Variants in UBQLN1 observed in about 807,000 individuals in gnomAD.
The protein encoded by UBQLN1 is ubiquilin 1, also known as ubiquilin-1.
UBQLN1 carries 13 observed loss-of-function variants against 65.4 expected under a neutral mutation model. That is an observed-to-expected ratio of 0.20 (90% CI 0.13 to 0.32). The LOEUF (loss-of-function observed/expected upper bound fraction) is 0.32. Among genes scored for constraint, UBQLN1 ranks in the 10% least tolerant of loss-of-function variants. The probability of loss-of-function intolerance (pLI) is 1.00; values close to 1 mark genes in which losing one functional copy is unlikely to be tolerated. For synonymous variants in UBQLN1, 267 were observed against 247.8 expected (o/e 1.08, Z -0.73); for missense variants, 561 against 724.0 (o/e 0.77, Z 2.58).
chr9:83,668,628 G>GTCTCTT (rs537269033), intron 7 of UBQLN1: 291 of 985,534 alleles, frequency 3.0e-4, no homozygotes, highest in Non-Finnish European at 3.1e-4. Flanking sequence ...CTTAGCTGTG[G>GTCTCTT]TCTCTTTAGA....
intron 6 of UBQLN1, among the ~76,000 whole-genome samples, chr9:83,675,053 A>G (rs986150259): frequency 6.6e-6 from 1 of 152,210 alleles, no homozygotes; most frequent in Admixed American, 6.5e-5. Flanking sequence ...TGGATCTATC[A>G]TGTTACTGAA....
chr9:83,669,345 A>G lies in UBQLN1; in HGVS notation c.1106-18T>C. The stretch of plus-strand genomic sequence containing the variant: ...CATACTAGCTGAAAGTTTGTTTTTA[A>G]AAAAGACATATTAAGGAAAAATACT... On this transcript the variant is annotated intron_variant, in intron 6 of 10. Transcript: ENST00000376395. 2 of 1,573,170 alleles carry G rather than the reference A, an allele frequency of 1.3e-6. No individual in the cohort carries two copies. Among genetic ancestry groups the G allele is most frequent in the South Asian group, 2.4e-5 (2 of 83,876 alleles).
Position 83,702,375 on chromosome 9 carries a change from T to C in UBQLN1, c.180+5125A>G, listed in dbSNP as rs559175819. ...ATCATTAAATAACGAGTTTTTCAGC[T>C]GTCCAGTATTAGAACAAAGCAAATA... On this transcript the variant is annotated intron_variant, in intron 1 of 10. Transcript: ENST00000376395. Among the ~76,000 whole-genome samples the C allele has an allele frequency of 2.0e-5, 3 of 152,212 alleles. No individual in the cohort carries two copies. In the East Asian group the frequency reaches 5.8e-4, roughly 29 times the overall value.
chr9:83,705,936 T>TAA (rs200199388), intron 1 of UBQLN1, among the ~76,000 whole-genome samples: 120 of 132,102 alleles, frequency 9.1e-4, no homozygotes, highest in African/African-American at 3.7e-3. Flanking sequence ...ACTTAGGGCA[T>TAA]AAAAAAAAAA....
rs1184410319 is a variant in UBQLN1, at chr9:83,661,637, C to T, written c.*150G>A. The T allele has an allele frequency of 6.6e-6, 5 of 757,352 alleles. No homozygotes were observed. The East Asian group carries it at 1.1e-4, about 17-fold the overall frequency. 46.9% of individuals were successfully genotyped at this position (757,352 alleles called of 1,614,324 possible). ...GAAAAATACAGAAAAACCCACACAT[C>T]TTACTGTACTCCACCTTAAAATGCA... is the stretch of plus-strand genomic sequence containing the variant. On this transcript the variant is annotated 3_prime_UTR_variant, in exon 11 of 11. Transcript: ENST00000376395.
chr9:83,673,140 G>T, intron 6 of UBQLN1, among the ~76,000 whole-genome samples: 1 of 152,168 alleles, frequency 6.6e-6, no homozygotes, highest in Non-Finnish European at 1.5e-5. Context: ...TGAGAAGGGA[G>T]AATCGTTTGA....
At chr9:83,680,405 A>C (rs1831921008) in intron 3 of UBQLN1, among the ~76,000 whole-genome samples, 2 of 152,072 alleles carry the variant, frequency 1.3e-5, no homozygotes, top group South Asian at 4.1e-4. Flanking sequence ...TAATGAAGTG[A>C]CTTAGGCCCC....
At chr9:83,664,923 CAAA>C (rs539581441) in intron 9 of UBQLN1, 104 bp downstream of exon 9, 7,172 of 227,774 alleles carry the variant, frequency 0.031, no homozygotes, top group South Asian at 0.041. Context: ...TGTATCCCAC[CAAA>C]AAAAAAAAAA....
At chr9:83,666,525 C>T (rs1398655164) in intron 7 of UBQLN1, 92 bp from the exon 8 acceptor site, 2 of 1,239,380 alleles carry the variant, frequency 1.6e-6, no homozygotes, top group Non-Finnish European at 2.3e-6. Flanking sequence ...AGTGCCTCAG[C>T]TGGCACTTAA....
At chr9:83,700,071 T>C (rs181263779) in intron 1 of UBQLN1, among the ~76,000 whole-genome samples, 10 of 152,356 alleles carry the variant, frequency 6.6e-5, no homozygotes, top group Admixed American at 5.9e-4. Flanking sequence ...CCACTCACTA[T>C]GTAATGAATT....
Position 83,665,059 on chromosome 9 carries a change from T to C in UBQLN1, c.1419A>G (p.Leu473=), listed in dbSNP as rs551309136. ...GGATGAGGCCCGGGGCTTCCGTTGC[T>C]AATGTCTGTAAACCCTGCTGAATCT... ...LLQIQQGLQT[L]ATEAPGLIPG... Residue 473 remains leucine (L), a synonymous_variant, in exon 9 of 11, where the codon TTA becomes TTG. Transcript: ENST00000376395. The C allele has an allele frequency of 2.5e-5, 40 of 1,613,684 alleles. No homozygotes were observed. The South Asian group carries it at 4.1e-4, about 16-fold the overall frequency.
intron 3 of UBQLN1, 62 bp downstream of exon 3, chr9:83,682,889 C>T: frequency 1.2e-6 from 1 of 807,864 alleles, no homozygotes; most frequent in Non-Finnish European, 1.9e-6. Context: ...TTATCTGAAA[C>T]TACCCAGGAA....
At chr9:83,667,950 G>C (rs1831668753) in intron 7 of UBQLN1, 2 of 984,886 alleles carry the variant, frequency 2.0e-6, no homozygotes, top group Admixed American at 6.1e-5. Context: ...GAGTGCTCAA[G>C]TCACTTTACT....
At chr9:83,667,049 A>T (rs1341948860) in intron 7 of UBQLN1, 1 of 152,216 alleles carries the variant, frequency 6.6e-6, no homozygotes, top group Admixed American at 6.5e-5. Flanking sequence ...AAAAGTATTA[A>T]AATGATTTAA....
At chr9:83,689,800 C>A (rs1832096609) in intron 1 of UBQLN1, among the ~76,000 whole-genome samples, 1 of 152,126 alleles carries the variant, frequency 6.6e-6, no homozygotes, top group South Asian at 2.1e-4. Context: ...CAGCTCAAAT[C>A]CAGATTTCAT....
At chr9:83,699,714 T>C (rs142838159) in intron 1 of UBQLN1, among the ~76,000 whole-genome samples, 366 of 152,324 alleles carry the variant, frequency 2.4e-3, no homozygotes, top group African/African-American at 8.2e-3. Context: ...ATGAACAAGA[T>C]ATATTAACAG....
chr9:83,672,584 G>T (rs1831751793), intron 6 of UBQLN1, among the ~76,000 whole-genome samples: 1 of 152,206 alleles, frequency 6.6e-6, no homozygotes, highest in African/African-American at 2.4e-5. Flanking sequence ...TACTGATTAA[G>T]TTTGCCAGGT....
Position 83,707,739 on chromosome 9 carries a change from A to C in UBQLN1, c.-60T>G. 1 of 1,491,530 alleles carries C rather than the reference A, an allele frequency of 6.7e-7. No homozygotes were observed. Among genetic ancestry groups the C allele is most frequent in the Non-Finnish European group, 8.8e-7 (1 of 1,131,400 alleles). 92.4% of individuals were successfully genotyped at this position (1,491,530 alleles called of 1,614,324 possible). A position where few individuals can be genotyped will look rare whatever the true frequency, so the allele number is the denominator to read the frequency against. ...AGCAGGAGGGAGCAGGCGAGCAAGG[A>C]GGAGCCAGCAGACACCAGAGCCGGC... is the stretch of plus-strand genomic sequence containing the variant. On this transcript the variant is annotated 5_prime_UTR_variant, in exon 1 of 11. Transcript: ENST00000376395.
chr9:83,664,286 G>T (rs1192564537), intron 9 of UBQLN1, among the ~76,000 whole-genome samples: 1 of 152,092 alleles, frequency 6.6e-6, no homozygotes, highest in Non-Finnish European at 1.5e-5. Context: ...GGGTGTGCTG[G>T]TGCACACCTG....
Sources: allele counts gnomAD v4.1 joint callset (sites outside exome capture counted in the v4.1 genomes callset), GRCh38; gene constraint gnomAD v4.1.1; transcripts MANE v1.5; gene names NCBI Gene and HGNC (gene_info 2026-07-23, HGNC 2026-07-21).